The following IER3IP1 variants were observed in gnomAD, a reference collection of about 807,000 sequenced individuals.
The protein encoded by IER3IP1 is immediate early response 3 interacting protein 1, also known as immediate early response 3-interacting protein 1.
In IER3IP1, 16 loss-of-function variants were observed where a neutral mutation model predicts 12.2. That is an observed-to-expected ratio of 1.31 (90% CI 0.89 to 1.99). The LOEUF (loss-of-function observed/expected upper bound fraction) is 1.99. IER3IP1 is among the 30% of genes most tolerant of loss of function. The pLI is 0.00. For synonymous variants in IER3IP1, 42 were observed against 40.0 expected (o/e 1.05, Z -0.19); for missense variants, 95 against 95.8 (o/e 0.99, Z 0.03).
At chr18:47,171,524 T>C (rs1315033193) in intron 1 of IER3IP1, among the ~76,000 whole-genome samples, 1 of 152,220 alleles carries the variant, frequency 6.6e-6, no homozygotes, top group Non-Finnish European at 1.5e-5. Context: ...AATTATTCAT[T>C]ATCTCTCTTT....
chr18:47,157,592 C>G, intron 1 of IER3IP1, 55 bp from the exon 2 acceptor site: 1 of 1,450,312 alleles, frequency 6.9e-7, no homozygotes, highest in Non-Finnish European at 9.7e-7. Context: ...TGCCTTCCTC[C>G]CTGTCATCTT....
intron 1 of IER3IP1, among the ~76,000 whole-genome samples, chr18:47,174,668 CAA>C (rs1293825170): frequency 5.4e-5 from 7 of 128,604 alleles, no homozygotes; most frequent in Admixed American, 1.6e-4. Flanking sequence ...GACTCCGTCT[CAA>C]AAAAAAAAAA....
intron 2 of IER3IP1, chr18:47,157,209 T>C (rs1441065525): frequency 7.3e-6 from 4 of 548,262 alleles, no homozygotes; most frequent in Non-Finnish European, 1.3e-5. Flanking sequence ...AAACAGATTA[T>C]ATGTATTATA....
At position 47,172,709 on chromosome 18, in the gene IER3IP1, A is replaced by T. The variant is rs943747226; in HGVS notation, c.91+3478T>A. On this transcript the variant is annotated intron_variant, in intron 1 of 2. Coordinates refer to ENST00000256433, the MANE Select transcript of IER3IP1 (RefSeq NM_016097.5). This position sits in a 1 kb window ranked among gnomAD's most constrained non-coding sequence, Gnocchi z 4.0. ...GAATTGCTTATTTCTGCAATTTTCC[A>T]ATTAGTACTTTCAGATGGCAGGCTA... 6.6e-6 allele frequency among the ~76,000 whole-genome samples: 1 copy of T among 152,156 alleles called. No homozygotes were observed. The highest frequency in any genetic ancestry group is 2.4e-5 in the African/African-American group (1 of 41,426).
chr18:47,157,460 G>A lies in IER3IP1; in HGVS notation c.169C>T (p.Arg57Ter). 6 of 1,613,844 alleles carry A rather than the reference G, an allele frequency of 3.7e-6. No individual in the cohort carries two copies. Among genetic ancestry groups the A allele is most frequent in the East Asian group, 2.2e-5 (1 of 44,860 alleles). The change falls in exon 2 of 3, where the codon CGA becomes TGA. Residue 57 changes from arginine (R) to a stop codon, truncating the protein, a stop_gained. Transcript: ENST00000256433. LOFTEE classifies it high-confidence loss of function. ...CCTCTCATCACGGTTCTTACAGATC[G>A]AATAAGGTTCATTAGCTGTGATTTA... is the stretch of plus-strand genomic sequence containing the variant. ...GIKSQLMNLI[R>*]SVRTVMRVPL...
At chr18:47,163,645 G>T (rs960059128) in intron 1 of IER3IP1, among the ~76,000 whole-genome samples, 1 of 152,128 alleles carries the variant, frequency 6.6e-6, no homozygotes, top group Non-Finnish European at 1.5e-5. Context: ...TCAATAGTTT[G>T]CTTCTAAGGA....
At chr18:47,175,987 G>T (rs763938237) in intron 1 of IER3IP1, among the ~76,000 whole-genome samples, 200 bp downstream of exon 1, 6 of 152,128 alleles carry the variant, frequency 3.9e-5, no homozygotes, top group Non-Finnish European at 7.4e-5. Context: ...CCTGGGCCCT[G>T]CACAGCGGGT....
intron 1 of IER3IP1, among the ~76,000 whole-genome samples, chr18:47,173,181 A>G (rs186244820): frequency 6.6e-6 from 1 of 152,214 alleles, no homozygotes; most frequent in Non-Finnish European, 1.5e-5. Context: ...ATTTCATTAT[A>G]TCTTCACCTT....
At chr18:47,168,301 C>CAAAAAAAAAAAA (rs35347851) in intron 1 of IER3IP1, among the ~76,000 whole-genome samples, 8 of 107,144 alleles carry the variant, frequency 7.5e-5, no homozygotes, top group African/African-American at 2.7e-4. Context: ...GACTCCATCA[C>CAAAAAAAAAAAA]AAAAAAAAAA....
chr18:47,174,815 C>A (rs1245552921), intron 1 of IER3IP1, among the ~76,000 whole-genome samples: 1 of 152,080 alleles, frequency 6.6e-6, no homozygotes, highest in East Asian at 1.9e-4. Flanking sequence ...TCAGTTTTCA[C>A]ACCAGGTCTA....
In IER3IP1 at chr18:47,155,127, A is replaced by G. The variant is rs1025167120; in HGVS notation, c.*1050T>C. On this transcript the variant is annotated 3_prime_UTR_variant, in exon 3 of 3. Coordinates refer to ENST00000256433, the MANE Select transcript of IER3IP1 (RefSeq NM_016097.5). ...CACCTTTAAAATATTGTAACTGATA[A>G]TTTCCATAAAAACCATTTACATAGT... 3 of 152,208 alleles carry G rather than the reference A, an allele frequency of 2.0e-5. No individual in the cohort carries two copies. Among genetic ancestry groups the G allele is most frequent in the African/African-American group, 7.2e-5 (3 of 41,452 alleles). The allele number at this position is 152,208 out of a possible 1,614,324, so 9.4% of individuals were successfully genotyped here.
At position 47,176,338 on chromosome 18, in the gene IER3IP1, G is replaced by T; in HGVS notation, c.-61C>A. 1 of 1,445,216 alleles carries T rather than the reference G, an allele frequency of 6.9e-7. No individual in the cohort carries two copies. The highest frequency in any genetic ancestry group is 1.2e-5 in the South Asian group (1 of 82,520). The allele number at this position is 1,445,216 out of a possible 1,614,324, so 89.5% of individuals were successfully genotyped here. ...CTCTCCCGCCGCCGCAAGGGACGTG[G>T]CGCCTCCACGGCCGGCGCCTTCCTA... On this transcript the variant is annotated 5_prime_UTR_variant, in exon 1 of 3. Coordinates refer to ENST00000256433, the MANE Select transcript of IER3IP1 (RefSeq NM_016097.5).
At chr18:47,160,611 G>A (rs1357709696) in intron 1 of IER3IP1, among the ~76,000 whole-genome samples, 1 of 152,124 alleles carries the variant, frequency 6.6e-6, no homozygotes, top group Non-Finnish European at 1.5e-5. Flanking sequence ...CACCTAACAT[G>A]ATATAACTAT....
chr18:47,176,300 G>A lies in IER3IP1; in HGVS notation c.-23C>T. On this transcript the variant is annotated 5_prime_UTR_variant, in exon 1 of 3. Coordinates refer to ENST00000256433, the MANE Select transcript of IER3IP1 (RefSeq NM_016097.5). Reference sequence around the variant, plus strand: ...CATGGCCGTCCGAGGCCGCCCCGAAGTCCAAGCGATTTCTCTCCCGCCGCC... The same window carrying A: ...CATGGCCGTCCGAGGCCGCCCCGAAATCCAAGCGATTTCTCTCCCGCCGCC... 2 of 1,584,320 alleles carry A rather than the reference G, an allele frequency of 1.3e-6. No individual in the cohort carries two copies. Among genetic ancestry groups the A allele is most frequent in the African/African-American group, 1.3e-5 (1 of 74,586 alleles).
chr18:47,164,784 A>G (rs1356715457), intron 1 of IER3IP1, among the ~76,000 whole-genome samples: 3 of 151,226 alleles, frequency 2.0e-5, no homozygotes, highest in Non-Finnish European at 4.4e-5. Context: ...TTTCCAAAAA[A>G]AAAAAACAAG....
chr18:47,158,214 G>C (rs1419660412), intron 1 of IER3IP1, among the ~76,000 whole-genome samples: 1 of 152,116 alleles, frequency 6.6e-6, no homozygotes, highest in Non-Finnish European at 1.5e-5. Flanking sequence ...CCATAATATA[G>C]AGACAGGGTC....
chr18:47,171,333 C>A (rs2064014720), intron 1 of IER3IP1, among the ~76,000 whole-genome samples: 1 of 152,142 alleles, frequency 6.6e-6, no homozygotes. Flanking sequence ...TCGATAGTCT[C>A]TTTTCTTGTG....
At position 47,172,371 on chromosome 18, in the gene IER3IP1, TACCCACTGC is replaced by T. The variant is rs2064018120; in HGVS notation, c.91+3807_91+3815del. ...TCCCAATCCATTCCAATCTGGATTT[TACCCACTGC>T]TGTAATTGCTCTTATAAAATCACCA... is the stretch of plus-strand genomic sequence containing the variant. On this transcript the variant is annotated intron_variant, in intron 1 of 2. Coordinates refer to ENST00000256433, the MANE Select transcript of IER3IP1 (RefSeq NM_016097.5). This position sits in a 1 kb window ranked among gnomAD's most constrained non-coding sequence, Gnocchi z 4.0. Among the ~76,000 whole-genome samples the T allele has an allele frequency of 6.6e-6, 1 of 152,236 alleles. No homozygotes were observed. Among genetic ancestry groups the T allele is most frequent in the Non-Finnish European group, 1.5e-5 (1 of 68,044 alleles).
Position 47,174,064 on chromosome 18 carries a change from A to G in IER3IP1, c.91+2123T>C, listed in dbSNP as rs2064023466. Among the ~76,000 whole-genome samples, 3 of 152,226 alleles carry G rather than the reference A, an allele frequency of 2.0e-5. 1 individual carries two copies. The South Asian group carries it at 6.2e-4, about 32-fold the overall frequency. ...TCCAAACAAGGTCACCTTCATAGGT[A>G]TCAAGGGTTGGGACTTCAACACATC... On this transcript the variant is annotated intron_variant, in intron 1 of 2. Transcript: ENST00000256433.
Sources: gnomAD v4.1 joint callset for allele counts (sites outside exome capture counted in the v4.1 genomes callset) on GRCh38, gnomAD v4.1.1 for gene constraint, Gnocchi (gnomAD v3.1) non-coding constraint, MANE v1.5 for transcripts, NCBI Gene and HGNC (gene_info 2026-07-23, HGNC 2026-07-21) for gene names.